VEGFB: variants seen among roughly 807,000 people sequenced by gnomAD.
VEGFB encodes the protein vascular endothelial growth factor B, also known as VEGF-related factor.
A neutral mutation model predicts 22.5 loss-of-function variants in VEGFB; 24 were observed. That is an observed-to-expected ratio of 1.07 (90% CI 0.77 to 1.50). The LOEUF (loss-of-function observed/expected upper bound fraction) is 1.50, where lower values mean the gene tolerates loss of function less well. VEGFB is among the 40% of genes most tolerant of loss of function. The pLI is 0.00. For missense variants in VEGFB, 327 were observed against 287.8 expected (o/e 1.14, Z -0.99); for synonymous variants, 141 against 117.4 (o/e 1.20, Z -1.30).
rs2030256846 is a variant in VEGFB at position 64,238,434 on chromosome 11, G to A, written c.*101G>A. 6.5e-7 allele frequency: 1 copy of A among 1,534,836 alleles called. No homozygotes were observed. Among genetic ancestry groups the A allele is most frequent in the African/African-American group, 1.4e-5 (1 of 73,098 alleles). ...TGCCTCAGAGGCTATATCCCAGTGG[G>A]GGAACAAAGAGGAGCCTGGTAAAAA... On this transcript the variant is annotated 3_prime_UTR_variant, in exon 7 of 7. Transcript: ENST00000309422.
Position 64,237,569 on chromosome 11 carries a change from C to T in VEGFB, c.560C>T (p.Thr187Ile). The T allele has an allele frequency of 2.5e-6, 4 of 1,600,354 alleles. No homozygotes were observed. The highest frequency in any genetic ancestry group is 3.4e-6 in the Non-Finnish European group (4 of 1,176,768). The change falls in exon 6 of 7, where the codon ACC (threonine) becomes ATC (isoleucine). Residue 187 changes from threonine (T) to isoleucine (I), a missense_variant. Physicochemically the swap from Thr to Ile is moderately conservative, Grantham distance 89. Transcript: ENST00000309422. ...GCACCCAGCACCACCAGCGCCCTGA[C>T]CCCCGGACCTGCCGCTGCCGCTGCC... ...HAAPSTTSAL[T>I]PGPAAAAADA... is the part of the protein sequence containing the mutation.
rs1371495690 is a variant in VEGFB, at chr11:64,237,671, G to A, written c.*22+16G>A. 2 of 1,506,082 alleles carry A rather than the reference G, an allele frequency of 1.3e-6. No homozygotes were observed. The highest frequency in any genetic ancestry group is 2.5e-5 in the East Asian group (1 of 40,108). 93.3% of individuals were successfully genotyped at this position (1,506,082 alleles called of 1,614,324 possible). A position where few individuals can be genotyped will look rare whatever the true frequency, so the allele number is the denominator to read the frequency against. On this transcript the variant is annotated intron_variant, in intron 6 of 6. Transcript: ENST00000309422. ...ACACCTGCAGGTGAGGCGTCTGTGGGGTGGTGTTTGTTTGGGAAGGCACCA... is the reference window on the plus strand; with the variant it reads ...ACACCTGCAGGTGAGGCGTCTGTGGAGTGGTGTTTGTTTGGGAAGGCACCA...
intron 1 of VEGFB, 139 bp downstream of exon 1, chr11:64,235,032 C>A: frequency 1.5e-6 from 1 of 660,368 alleles, no homozygotes; most frequent in Non-Finnish European, 2.1e-6. Flanking sequence ...GGGGGCCCGG[C>A]GCGTGCATCC....
rs1947231470 is a variant in VEGFB, at chr11:64,234,993, C to T, written c.60+100C>T. The T allele has an allele frequency of 9.7e-7, 1 of 1,031,158 alleles. No individual in the cohort carries two copies. Among genetic ancestry groups the T allele is most frequent in the East Asian group, 3.4e-5 (1 of 29,152 alleles). The allele number at this position is 1,031,158 out of a possible 1,614,324, so 63.9% of individuals were successfully genotyped here. A position where few individuals can be genotyped will look rare whatever the true frequency, so the allele number is the denominator to read the frequency against. On this transcript the variant is annotated intron_variant, in intron 1 of 6. Transcript: ENST00000309422. The surrounding 1 kb of genome is among the most constrained non-coding windows in gnomAD (Gnocchi z 5.3). Reference sequence around the variant, plus strand: ...CCGCGGCCTCGGCCGAGGGGATCTGCGGGGTCCGGCCTTGGACGCGGGCGT... The same window carrying T: ...CCGCGGCCTCGGCCGAGGGGATCTGTGGGGTCCGGCCTTGGACGCGGGCGT...
rs189615121 is a variant in VEGFB at position 64,236,997 on chromosome 11, A to G, written c.375-190A>G. The stretch of plus-strand genomic sequence containing the variant: ...ACTTGGGAGGCTGAGACAAGAGAAT[A>G]GCTTGAACCTGGGAGGCGGAGGTTG... On this transcript the variant is annotated intron_variant, in intron 4 of 6. Transcript: ENST00000309422. 2.3e-4 allele frequency: 100 copies of G among 429,846 alleles called. 6 individuals carry two copies. The highest frequency in any genetic ancestry group is 1.8e-3 in the East Asian group (41 of 22,916). 26.6% of individuals were successfully genotyped at this position (429,846 alleles called of 1,614,324 possible). A position where few individuals can be genotyped will look rare whatever the true frequency, so the allele number is the denominator to read the frequency against.
intron 2 of VEGFB, 58 bp downstream of exon 2, chr11:64,235,558 G>A (rs1468605584): frequency 1.3e-6 from 2 of 1,540,288 alleles, no homozygotes; most frequent in Non-Finnish European, 1.8e-6. Flanking sequence ...CATGGGCCCT[G>A]ATTCCAGGTG....
At chr11:64,235,346 G>T (rs557179099) in intron 1 of VEGFB, 112 bp from the exon 2 acceptor site, 1 of 1,010,818 alleles carries the variant, frequency 9.9e-7, no homozygotes, top group African/African-American at 1.6e-5. Flanking sequence ...AATCTGGAAA[G>T]ATGTCAGAGA....
chr11:64,235,028 C>A, intron 1 of VEGFB, 135 bp downstream of exon 1: 1 of 693,810 alleles, frequency 1.4e-6, no homozygotes, highest in Non-Finnish European at 2.0e-6. Flanking sequence ...TCTCGGGGGC[C>A]CGGCGCGTGC....
chr11:64,237,114 AGAGAGAGAGT>A, intron 4 of VEGFB, 63 bp from the exon 5 acceptor site: 1 of 737,790 alleles, frequency 1.4e-6, no homozygotes, highest in Non-Finnish European at 2.2e-6. Context: ...AGAGAGAGAG[AGAGAGAGAGT>A]AGGATGCTGG....
intron 4 of VEGFB, 64 bp from the exon 5 acceptor site, chr11:64,237,116 AGAGAGAG>A: frequency 2.9e-6 from 2 of 694,168 alleles, no homozygotes; most frequent in East Asian, 2.8e-5. Flanking sequence ...AGAGAGAGAG[AGAGAGAG>A]TAGGATGCTG....
At chr11:64,237,784 AT>A in intron 6 of VEGFB, 129 bp downstream of exon 6, 1 of 889,474 alleles carries the variant, frequency 1.1e-6, no homozygotes, top group Non-Finnish European at 1.6e-6. Flanking sequence ...TTGAACAAAT[AT>A]TTACCAAACA....
intron 4 of VEGFB, 60 bp from the exon 5 acceptor site, chr11:64,237,127 G>GAGAGATATATATATATAT: frequency 1.2e-6 from 1 of 813,208 alleles, no homozygotes; most frequent in East Asian, 3.2e-5. Context: ...GAGAGAGTAG[G>GAGAGATATATATATATAT]ATGCTGGGAT....
At chr11:64,236,097 C>A (rs971341560) in intron 3 of VEGFB, 88 bp downstream of exon 3, 2 of 1,517,846 alleles carry the variant, frequency 1.3e-6, no homozygotes, top group East Asian at 4.8e-5. Flanking sequence ...GGCTCTGGGG[C>A]TGGGGCAGCC....
rs2029994445 is a variant in VEGFB, at chr11:64,236,122, C to T, written c.300+113C>T. 3.3e-6 allele frequency: 5 copies of T among 1,524,038 alleles called. No homozygotes were observed. The South Asian group carries it at 6.1e-5, about 18-fold the overall frequency. 94.4% of individuals were successfully genotyped at this position (1,524,038 alleles called of 1,614,324 possible). ...CTGGGGCAGCCTGGAGACTGATGCA[C>T]AGGAGACAGGGTTGGGGGGAGGGCT... On this transcript the variant is annotated intron_variant, in intron 3 of 6. Coordinates refer to ENST00000309422, the MANE Select transcript of VEGFB (RefSeq NM_003377.5).
In VEGFB at chr11:64,238,727, T is replaced by G. The variant is rs2030268616; in HGVS notation, c.*394T>G. On this transcript the variant is annotated 3_prime_UTR_variant, in exon 7 of 7. Coordinates refer to ENST00000309422, the MANE Select transcript of VEGFB (RefSeq NM_003377.5). ...TAAGAAGACCCAAACCTCTGCATAA[T>G]GGGATTTGGGCTTTGGTACAAGAAC... is the stretch of plus-strand genomic sequence containing the variant. 5.8e-6 allele frequency: 2 copies of G among 344,112 alleles called. No homozygotes were observed. The highest frequency in any genetic ancestry group is 5.5e-6 in the Non-Finnish European group (1 of 181,722). The allele number at this position is 344,112 out of a possible 1,614,324, so 21.3% of individuals were successfully genotyped here. A position where few individuals can be genotyped will look rare whatever the true frequency, so the allele number is the denominator to read the frequency against.
At position 64,235,890 on chromosome 11, in the gene VEGFB, A is replaced by C; in HGVS notation, c.181A>C (p.Met61Leu). Residue 61 changes from methionine to leucine, a missense_variant, in exon 3 of 7, where the codon ATG becomes CTG. Met to Leu is a conservative substitution (Grantham distance 15, BLOSUM62 2). Transcript: ENST00000309422. ...EVVVPLTVEL[M>L]GTVAKQLVPS... Reference sequence around the variant, plus strand: ...GGTGGTGCCCTTGACTGTGGAGCTCATGGGCACCGTGGCCAAACAGCTGGT... The same window carrying C: ...GGTGGTGCCCTTGACTGTGGAGCTCCTGGGCACCGTGGCCAAACAGCTGGT... 6.2e-7 allele frequency: 1 copy of C among 1,613,804 alleles called. No homozygotes were observed. The highest frequency in any genetic ancestry group is 8.5e-7 in the Non-Finnish European group (1 of 1,179,968).
At chr11:64,237,779 C>A (rs906398565) in intron 6 of VEGFB, 124 bp downstream of exon 6, 1 of 909,762 alleles carries the variant, frequency 1.1e-6, no homozygotes, top group South Asian at 1.9e-5. Context: ...ATGTGTTGAA[C>A]AAATATTTAC....
chr11:64,236,079 T>TGCTG, intron 3 of VEGFB, 70 bp downstream of exon 3: 1 of 1,531,374 alleles, frequency 6.5e-7, no homozygotes. Context: ...GCAGGGTGGA[T>TGCTG]GCTGGCTGGC....
chr11:64,238,513 C>A lies in VEGFB; in HGVS notation c.*180C>A. On this transcript the variant is annotated 3_prime_UTR_variant, in exon 7 of 7. Coordinates refer to ENST00000309422, the MANE Select transcript of VEGFB (RefSeq NM_003377.5). ...GGCAGAAGCTGCTCTAGGACCTGGG[C>A]CTCTCAGAGGGCTCTTCTGCCATCC... 9.3e-7 allele frequency: 1 copy of A among 1,080,638 alleles called. No homozygotes were observed. Among genetic ancestry groups the A allele is most frequent in the Non-Finnish European group, 1.3e-6 (1 of 744,106 alleles). 66.9% of individuals were successfully genotyped at this position (1,080,638 alleles called of 1,614,324 possible).
Sources: allele counts gnomAD v4.1 joint callset, GRCh38; gene constraint gnomAD v4.1.1; non-coding constraint Gnocchi (gnomAD v3.1); transcripts MANE v1.5; gene names NCBI Gene and HGNC (gene_info 2026-07-23, HGNC 2026-07-21).